Variants in MUC7 observed in about 807,000 individuals in gnomAD.
MUC7 encodes the protein mucin 7, secreted, also known as mucin-7.
In MUC7, 2 loss-of-function variants were observed where a neutral mutation model predicts 2.5. That is an observed-to-expected ratio of 0.81 (90% confidence interval 0.33 to 2.55). MUC7 has a LOEUF of 2.55. Ranked by LOEUF, MUC7 falls within the 30% of genes most tolerant of loss-of-function variation. The pLI, the probability that MUC7 is intolerant of heterozygous loss-of-function variation, is 0.11. For missense variants in MUC7, 408 were observed against 455.6 expected, an observed-to-expected ratio of 0.90 and a Z score of 0.95; for synonymous variants, 133 against 173.4, an observed-to-expected ratio of 0.77 and a Z score of 1.83.
At chr4:70,467,514 C>A (rs901575310), upstream of MUC7, among the ~76,000 whole-genome samples, 6 of 151,478 alleles carry the variant, frequency 4.0e-5, no homozygotes, top group Admixed American at 4.0e-4. Context: ...GACCGCTAGC[C>A]AGACTAATAA....
chr4:70,458,974 C>A (rs926964186), intron 1 of MUC7, among the ~76,000 whole-genome samples: 2 of 151,982 alleles, frequency 1.3e-5, no homozygotes, highest in East Asian at 1.9e-4. Context: ...TATAGTCTAT[C>A]TAGACAATAT....
intron 1 of MUC7, among the ~76,000 whole-genome samples, chr4:70,455,246 G>A (rs1000908378): frequency 2.6e-5 from 4 of 151,972 alleles, no homozygotes; most frequent in Admixed American, 6.6e-5. Flanking sequence ...AAGTACAAAG[G>A]TATTACACCG....
chr4:70,440,064 C>T (rs1479444005), intron 1 of MUC7, among the ~76,000 whole-genome samples: 1 of 151,734 alleles, frequency 6.6e-6, no homozygotes, highest in Non-Finnish European at 1.5e-5. Context: ...TATGTCATCT[C>T]GAATGTGAAA....
At chr4:70,470,990 G>T (rs1734820995), upstream of MUC7, among the ~76,000 whole-genome samples, 1 of 152,156 alleles carries the variant, frequency 6.6e-6, no homozygotes, top group Middle Eastern at 3.2e-3. Flanking sequence ...GCTCAAAGAA[G>T]TTAGCTAACC....
chr4:70,447,788 C>A (rs769172899), intron 1 of MUC7, among the ~76,000 whole-genome samples: 27 of 152,134 alleles, frequency 1.8e-4, no homozygotes, highest in Non-Finnish European at 3.7e-4. Context: ...GTGTTTCAAA[C>A]AATCCAACTA....
At chr4:70,431,561 T>C (rs1010567587) in intron 1 of MUC7, among the ~76,000 whole-genome samples, 1 of 152,104 alleles carries the variant, frequency 6.6e-6, no homozygotes, top group Non-Finnish European at 1.5e-5. Context: ...CTGAAACTGT[T>C]TCCAGATCAA....
intron 1 of MUC7, among the ~76,000 whole-genome samples, chr4:70,472,870 G>T (rs1734872980): frequency 6.6e-6 from 1 of 152,060 alleles, no homozygotes; most frequent in Admixed American, 6.6e-5. Context: ...CTAATTACCT[G>T]CCCTAATATG....
At chr4:70,479,900 A>C (rs1259848774) in intron 2 of MUC7, among the ~76,000 whole-genome samples, 1 of 152,210 alleles carries the variant, frequency 6.6e-6, no homozygotes, top group Non-Finnish European at 1.5e-5. Flanking sequence ...CCAAAAAACA[A>C]ACCTACATTC....
intron 2 of MUC7, among the ~76,000 whole-genome samples, chr4:70,480,401 T>C (rs1047183979): frequency 1.3e-5 from 2 of 152,138 alleles, no homozygotes; most frequent in Admixed American, 6.5e-5. Context: ...TGGATCTCAG[T>C]TGAATGTCTT....
intron 1 of MUC7, among the ~76,000 whole-genome samples, chr4:70,460,646 T>A (rs1461380868): frequency 2.0e-5 from 3 of 152,058 alleles, no homozygotes; most frequent in African/African-American, 7.2e-5. Context: ...ATCTTTTTGA[T>A]GTGCTGTGCC....
intron 1 of MUC7, among the ~76,000 whole-genome samples, chr4:70,434,119 T>C (rs1449024335): frequency 1.3e-5 from 2 of 152,200 alleles, no homozygotes; most frequent in Non-Finnish European, 2.9e-5. Context: ...TGGATTAAGT[T>C]TGCCAGTATT....
intron 1 of MUC7, among the ~76,000 whole-genome samples, chr4:70,464,541 G>A (rs750996399): frequency 6.6e-6 from 1 of 152,126 alleles, no homozygotes; most frequent in Non-Finnish European, 1.5e-5. Flanking sequence ...AGTCAATCTG[G>A]GAATCTCAAG....
chr4:70,469,302 C>T (rs1447715641), upstream of MUC7, among the ~76,000 whole-genome samples: 1 of 152,140 alleles, frequency 6.6e-6, no homozygotes, highest in Non-Finnish European at 1.5e-5. Flanking sequence ...ACCATAAAAA[C>T]CCTAGAAGAA....
chr4:70,469,703 A>G (rs981450925), upstream of MUC7, among the ~76,000 whole-genome samples: 3 of 152,238 alleles, frequency 2.0e-5, no homozygotes, highest in East Asian at 1.9e-4. Flanking sequence ...CAAAACTACA[A>G]TGAGATACCA....
At chr4:70,445,739 C>T (rs1476134975) in intron 1 of MUC7, among the ~76,000 whole-genome samples, 2 of 152,190 alleles carry the variant, frequency 1.3e-5, no homozygotes, top group Non-Finnish European at 2.9e-5. Flanking sequence ...GTATAATAGA[C>T]ACCACCAATT....
At chr4:70,470,253 G>A (rs1734798382), upstream of MUC7, among the ~76,000 whole-genome samples, 1 of 152,280 alleles carries the variant, frequency 6.6e-6, no homozygotes, top group African/African-American at 2.4e-5. Flanking sequence ...ACCAGGGCCT[G>A]TTGGCAGGTG....
chr4:70,430,880 C>T (rs1384009778), intron 1 of MUC7, among the ~76,000 whole-genome samples: 2 of 152,058 alleles, frequency 1.3e-5, no homozygotes, highest in African/African-American at 2.4e-5. Flanking sequence ...AACAGTATGA[C>T]AAAAAATTCA....
Position 70,481,745 on chromosome 4 carries a change from C to A in MUC7, c.1001C>A (p.Thr334Asn), listed in dbSNP as rs17852281. 6.2e-7 allele frequency: 1 copy of A among 1,614,224 alleles called. No homozygotes were observed. The highest frequency in any genetic ancestry group is 1.3e-5 in the African/African-American group (1 of 75,062). ...TCAGCTGCACCCACACACCAGACTA[C>A]TACTTCGGTCACTACTCAAACTACT... The part of the protein sequence containing the change: ...ETSAAPTHQT[T>N]TSVTTQTTTT... The change falls in exon 3 of 3, where the codon ACT (threonine) becomes AAT (asparagine). Residue 334 changes from threonine to asparagine, a missense_variant. Physicochemically the swap from Thr to Asn is moderately conservative, Grantham distance 65. Transcript: ENST00000304887.
chr4:70,479,067 T>C (rs900375458), intron 2 of MUC7, among the ~76,000 whole-genome samples: 2 of 152,160 alleles, frequency 1.3e-5, no homozygotes, highest in Non-Finnish European at 2.9e-5. Flanking sequence ...AGGAACATAT[T>C]TGAAACACAC....
Sources: gnomAD v4.1 joint callset for allele counts (sites outside exome capture counted in the v4.1 genomes callset) on GRCh38, gnomAD v4.1.1 for gene constraint, MANE v1.5 for transcripts, NCBI Gene and HGNC (gene_info 2026-07-23, HGNC 2026-07-21) for gene names.